Variants in PAH observed in about 807,000 individuals in gnomAD.
PAH encodes the protein phenylalanine hydroxylase.
PAH carries 64 observed loss-of-function variants against 62.0 expected under a neutral mutation model. The ratio of observed to expected loss-of-function variants is 1.03; its 90% CI spans 0.84 to 1.27. The LOEUF is 1.27. PAH is among the 50% of genes most tolerant of loss of function. The pLI is 0.00. For missense variants in PAH, 579 were observed against 542.8 expected (o/e 1.07, Z -0.66); for synonymous variants, 195 against 196.2 (o/e 0.99, Z 0.05).
At chr12:102,872,219 G>A (rs944115853) in intron 4 of PAH, among the ~76,000 whole-genome samples, 2 of 151,976 alleles carry the variant, frequency 1.3e-5, no homozygotes, top group African/African-American at 4.8e-5. Context: ...ACATAATTAT[G>A]GCTTTATTGT....
chr12:102,870,738 C>T (rs1876274481), intron 4 of PAH, among the ~76,000 whole-genome samples: 1 of 152,154 alleles, frequency 6.6e-6, no homozygotes, highest in Non-Finnish European at 1.5e-5. Context: ...GGATGGAACA[C>T]AGAAGACAAA....
At chr12:102,843,526 G>C in intron 11 of PAH, 120 bp downstream of exon 11, 1 of 1,000,812 alleles carries the variant, frequency 1.0e-6, no homozygotes. Context: ...GAGAGAAACT[G>C]TCTATGGTAC....
chr12:102,872,456 A>C (rs985247734), intron 4 of PAH, among the ~76,000 whole-genome samples: 3 of 152,230 alleles, frequency 2.0e-5, no homozygotes, highest in African/African-American at 7.2e-5. Flanking sequence ...GGATAGAGCA[A>C]TTTAGTAAGA....
At chr12:102,844,193 A>G in intron 10 of PAH, 143 bp downstream of exon 10, 3 of 697,750 alleles carry the variant, frequency 4.3e-6, no homozygotes, top group Non-Finnish European at 7.8e-6. Flanking sequence ...CATAGCTGCT[A>G]AGGTACCAAT....
chr12:102,917,837 GC>G (rs942316855), upstream of PAH, among the ~76,000 whole-genome samples: 2 of 152,226 alleles, frequency 1.3e-5, no homozygotes, highest in African/African-American at 4.8e-5. Flanking sequence ...GGGTGGTAGA[GC>G]CACCTTGCTG....
chr12:102,844,323 G>C lies in PAH; in HGVS notation c.1065+13C>G. ...ACTTTTAAATCTATCCTTGGTTCCT[G>C]TGAAGGTCATACCTGTAATTCACCA... On this transcript the variant is annotated intron_variant, in intron 10 of 12. Coordinates refer to ENST00000553106, the MANE Select transcript of PAH (RefSeq NM_000277.3). The C allele has an allele frequency of 1.3e-6, 2 of 1,558,154 alleles. No homozygotes were observed. Among genetic ancestry groups the C allele is most frequent in the Non-Finnish European group, 1.8e-6 (2 of 1,129,000 alleles).
At chr12:102,877,721 C>T (rs1876635395) in intron 3 of PAH, among the ~76,000 whole-genome samples, 171 bp from the exon 4 acceptor site, 2 of 152,198 alleles carry the variant, frequency 1.3e-5, no homozygotes, top group African/African-American at 2.4e-5. Context: ...TCCTTAGAAA[C>T]CGGTTTTAAA....
intron 11 of PAH, among the ~76,000 whole-genome samples, chr12:102,842,917 G>GATATTC (rs1486196738): frequency 6.6e-6 from 1 of 152,124 alleles, no homozygotes; most frequent in Non-Finnish European, 1.5e-5. Flanking sequence ...TGAGTATTAG[G>GATATTC]ATATTCATGT....
chr12:102,919,071 A>G (rs186599356), upstream of PAH, among the ~76,000 whole-genome samples: 150 of 152,306 alleles, frequency 9.8e-4, no homozygotes, highest in Middle Eastern at 3.4e-3. Context: ...CCTCTTAACA[A>G]TCCCATGAAC....
intron 3 of PAH, among the ~76,000 whole-genome samples, chr12:102,880,018 C>A (rs370176252): frequency 6.6e-6 from 1 of 152,280 alleles, no homozygotes; most frequent in African/African-American, 2.4e-5. Flanking sequence ...CTGCAACAGT[C>A]CTTTGAGGTA....
chr12:102,843,145 C>T (rs1049853999), intron 11 of PAH, among the ~76,000 whole-genome samples: 3 of 152,164 alleles, frequency 2.0e-5, no homozygotes, highest in Admixed American at 1.3e-4. Context: ...AACAAAATTT[C>T]TACCCTCATG....
At chr12:102,925,382 T>A (rs1376744869) in intron 1 of PAH, among the ~76,000 whole-genome samples, 1 of 152,162 alleles carries the variant, frequency 6.6e-6, no homozygotes, top group African/African-American at 2.4e-5. Flanking sequence ...ATTGATATCA[T>A]AAAGCATCAC....
chr12:102,928,577 T>G (rs1236425756), intron 1 of PAH, among the ~76,000 whole-genome samples: 1 of 152,116 alleles, frequency 6.6e-6, no homozygotes, highest in East Asian at 1.9e-4. Context: ...AGGGACTTGG[T>G]AGGTTTGACC....
intron 1 of PAH, among the ~76,000 whole-genome samples, chr12:102,930,975 T>G (rs1878849233): frequency 1.3e-5 from 2 of 152,146 alleles, no homozygotes; most frequent in Admixed American, 6.5e-5. Context: ...AAAAAATAAA[T>G]TATCTGTTTA....
upstream of PAH, among the ~76,000 whole-genome samples, chr12:102,952,176 A>T (rs1334441305): frequency 1.3e-5 from 2 of 152,138 alleles, no homozygotes; most frequent in African/African-American, 4.8e-5. Context: ...TTCGATTGTG[A>T]AGGGGGGAGA....
At chr12:102,903,369 A>AC (rs1222435672) in intron 2 of PAH, among the ~76,000 whole-genome samples, 32 of 120,330 alleles carry the variant, frequency 2.7e-4, no homozygotes, top group Admixed American at 1.3e-3. Context: ...TCAAAAAAAA[A>AC]AAACACACAC....
At chr12:102,925,380 C>G (rs969828217) in intron 1 of PAH, among the ~76,000 whole-genome samples, 2 of 152,136 alleles carry the variant, frequency 1.3e-5, no homozygotes, top group African/African-American at 4.8e-5. Flanking sequence ...TTATTGATAT[C>G]ATAAAGCATC....
rs745488563 is a variant in PAH at position 102,916,244 on chromosome 12, CCT to C, written c.60+825_60+826del. Among the ~76,000 whole-genome samples the C allele has an allele frequency of 6.4e-4, 98 of 152,114 alleles. 1 individual carries two copies. Among genetic ancestry groups the C allele is most frequent in the Admixed American group, 1.7e-3 (26 of 15,284 alleles). On this transcript the variant is annotated intron_variant, in intron 1 of 12. Transcript: ENST00000553106. ...TAACCATTCTTTTCTCTCCAGCCTC[CCT>C]GTTTTCTACTGAGAACTCTTCTCCC... is the stretch of plus-strand genomic sequence containing the variant.
intron 8 of PAH, among the ~76,000 whole-genome samples, chr12:102,850,078 G>A (rs1428453134): frequency 1.3e-5 from 2 of 152,194 alleles, no homozygotes; most frequent in Non-Finnish European, 2.9e-5. Flanking sequence ...AGAATAAAAG[G>A]TTCCTATTCT....
Sources: gnomAD v4.1 joint callset for allele counts (sites outside exome capture counted in the v4.1 genomes callset) on GRCh38, gnomAD v4.1.1 for gene constraint, MANE v1.5 for transcripts, NCBI Gene and HGNC (gene_info 2026-07-23, HGNC 2026-07-21) for gene names.